The following ADGRB3 variants were observed in gnomAD, a reference collection of about 807,000 sequenced individuals.
The protein encoded by ADGRB3 is brain-specific angiogenesis inhibitor 3.
ADGRB3 carries 37 observed loss-of-function variants against 193.4 expected under a neutral mutation model. The ratio of observed to expected loss-of-function variants is 0.19; its 90% CI spans 0.15 to 0.25. The LOEUF (loss-of-function observed/expected upper bound fraction) is 0.25. Among genes scored for constraint, ADGRB3 ranks in the 10% least tolerant of loss-of-function variants. ADGRB3 has a pLI of 1.00. For missense variants in ADGRB3, 1,637 were observed against 1,852.9 expected, an observed-to-expected ratio of 0.88 and a Z score of 2.14; for synonymous variants, 690 against 644.2, an observed-to-expected ratio of 1.07 and a Z score of -1.08.
At chr6:68,679,361 G>A (rs952527776) in intron 3 of ADGRB3, among the ~76,000 whole-genome samples, 3 of 152,056 alleles carry the variant, frequency 2.0e-5, no homozygotes, top group African/African-American at 7.2e-5. Flanking sequence ...CACCCTTAAG[G>A]GACATAGGGT....
At chr6:68,666,379 T>C (rs771430696) in intron 3 of ADGRB3, among the ~76,000 whole-genome samples, 1 of 151,918 alleles carries the variant, frequency 6.6e-6, no homozygotes, top group Non-Finnish European at 1.5e-5. Flanking sequence ...ACCATTAAAG[T>C]TGTCTATTCA....
intron 3 of ADGRB3, among the ~76,000 whole-genome samples, chr6:68,687,183 T>G (rs1449906826): frequency 2.0e-5 from 3 of 152,078 alleles, no homozygotes; most frequent in African/African-American, 7.2e-5. Context: ...AAATATATTT[T>G]TAAAGTTCCT....
At chr6:68,677,202 G>A (rs1769112792) in intron 3 of ADGRB3, among the ~76,000 whole-genome samples, 1 of 152,168 alleles carries the variant, frequency 6.6e-6, no homozygotes, top group African/African-American at 2.4e-5. Flanking sequence ...GGAATACTGT[G>A]TGTATTATGT....
chr6:69,210,542 C>T (rs945036099), intron 17 of ADGRB3, among the ~76,000 whole-genome samples: 2 of 152,012 alleles, frequency 1.3e-5, no homozygotes, highest in Non-Finnish European at 2.9e-5. Flanking sequence ...AGTTGACACT[C>T]GATAATAACC....
intron 3 of ADGRB3, among the ~76,000 whole-genome samples, chr6:68,798,053 A>G (rs1767244293): frequency 6.6e-6 from 1 of 152,152 alleles, no homozygotes. Context: ...GAAGGAATTC[A>G]TTACCAGATG....
chr6:68,795,284 A>G (rs1767184688), intron 3 of ADGRB3, among the ~76,000 whole-genome samples: 4 of 152,106 alleles, frequency 2.6e-5, no homozygotes. Flanking sequence ...AGAAGAAAAA[A>G]TAGAAAATTA....
At position 69,011,135 on chromosome 6, in the gene ADGRB3, ATGTGTGTGTG is replaced by A. The variant is rs66675226; in HGVS notation, c.1930-2879_1930-2870del. On this transcript the variant is annotated intron_variant, in intron 11 of 31. Coordinates refer to ENST00000370598, the MANE Select transcript of ADGRB3 (RefSeq NM_001704.3). ...TTAGTATGTGTATATATACATATATATGTGTGTGTGTGTGTGTGTGTGTGTGTGTGTGTAT... is the reference window on the plus strand; with the variant it reads ...TTAGTATGTGTATATATACATATATATGTGTGTGTGTGTGTGTGTGTGTAT... Among the ~76,000 whole-genome samples, 409 of 145,026 alleles carry A rather than the reference ATGTGTGTGTG, an allele frequency of 2.8e-3. 1 individual carries two copies. The highest frequency in any genetic ancestry group is 0.01 in the African/African-American group (398 of 38,806).
intron 20 of ADGRB3, among the ~76,000 whole-genome samples, chr6:69,259,327 G>A (rs1039393334): frequency 6.6e-6 from 1 of 152,126 alleles, no homozygotes; most frequent in African/African-American, 2.4e-5. Context: ...AATTCTGTCA[G>A]CCTTCCAACT....
At chr6:68,747,889 A>T (rs569243359) in intron 3 of ADGRB3, among the ~76,000 whole-genome samples, 41 of 152,182 alleles carry the variant, frequency 2.7e-4, no homozygotes, top group Non-Finnish European at 4.9e-4. Flanking sequence ...TTGGACTTAC[A>T]GTTCCATATG....
chr6:68,641,922 A>G (rs933554833), intron 3 of ADGRB3, among the ~76,000 whole-genome samples: 3 of 152,048 alleles, frequency 2.0e-5, no homozygotes, highest in African/African-American at 7.2e-5. Flanking sequence ...ATATAATGAC[A>G]TAGAGCTTGA....
intron 17 of ADGRB3, chr6:69,232,334 C>T (rs1032620039): frequency 6.6e-6 from 8 of 1,215,814 alleles, no homozygotes; most frequent in Non-Finnish European, 8.7e-6. Context: ...GGGTTCTCCC[C>T]CATCCCCCCC....
At chr6:68,769,763 T>G (rs891893681) in intron 3 of ADGRB3, among the ~76,000 whole-genome samples, 5 of 152,176 alleles carry the variant, frequency 3.3e-5, no homozygotes, top group African/African-American at 1.2e-4. Context: ...TCTTTTTTAT[T>G]TCTTCCTAAA....
chr6:68,977,862 G>A lies in ADGRB3; in HGVS notation c.1734+2522G>A, dbSNP rs555080621. Among the ~76,000 whole-genome samples, 19 of 144,752 alleles carry A rather than the reference G, an allele frequency of 1.3e-4. 1 individual carries two copies. The highest frequency in any genetic ancestry group is 4.2e-4 in the South Asian group (2 of 4,788). 95.0% of individuals were successfully genotyped at this position (144,752 alleles called of 152,430 possible). On this transcript the variant is annotated intron_variant, in intron 10 of 31. Coordinates refer to ENST00000370598, the MANE Select transcript of ADGRB3 (RefSeq NM_001704.3). Reference sequence around the variant, plus strand: ...GTCGGGGAGCAGTCACTTCAGTGAGGTAAAGAGTGAAAAGTATGCCCTAGG... The same window carrying A: ...GTCGGGGAGCAGTCACTTCAGTGAGATAAAGAGTGAAAAGTATGCCCTAGG...
chr6:69,081,475 T>C (rs563838783), intron 17 of ADGRB3, among the ~76,000 whole-genome samples: 41 of 152,066 alleles, frequency 2.7e-4, no homozygotes, highest in African/African-American at 8.9e-4. Context: ...CAAAAAGCAA[T>C]AGAAAAAATT....
chr6:69,364,671 T>G (rs3799093), intron 29 of ADGRB3, among the ~76,000 whole-genome samples: 15,566 of 152,090 alleles, frequency 0.1, 983 homozygotes, highest in Middle Eastern at 0.24. Context: ...ATGGAACAAT[T>G]GCAATACTAA....
In ADGRB3 at chr6:69,188,999, A is replaced by AT. The variant is rs3839471; in HGVS notation, c.2481-44286dup. ...TTTGGTATTTTACAGTGTAAGAAAG[A>AT]TTTTTAAACTTAATTAAACAGGAAG... On this transcript the variant is annotated intron_variant, in intron 17 of 31. Transcript: ENST00000370598. Among the ~76,000 whole-genome samples, 4 of 152,350 alleles carry AT rather than the reference A, an allele frequency of 2.6e-5. No individual in the cohort carries two copies. In the East Asian group the frequency reaches 7.7e-4, roughly 29 times the overall value.
At chr6:68,813,501 C>A (rs1032269367) in intron 3 of ADGRB3, among the ~76,000 whole-genome samples, 3 of 151,814 alleles carry the variant, frequency 2.0e-5, no homozygotes, top group African/African-American at 7.3e-5. Flanking sequence ...AGTATGTAGG[C>A]TCACATTAAC....
chr6:68,806,220 T>C (rs1489261088), intron 3 of ADGRB3, among the ~76,000 whole-genome samples: 2 of 152,200 alleles, frequency 1.3e-5, no homozygotes, highest in Admixed American at 1.3e-4. Context: ...CTCTAATAAT[T>C]CCAGAATGTA....
In ADGRB3 at chr6:69,232,645, C is replaced by T. The variant is rs542826132; in HGVS notation, c.2481-645C>T. 1.3e-5 allele frequency: 20 copies of T among 1,532,582 alleles called. No homozygotes were observed. The East Asian group carries it at 3.2e-4, about 24-fold the overall frequency. 94.9% of individuals were successfully genotyped at this position (1,532,582 alleles called of 1,614,324 possible). ...GGAAGCTTAGGTCTGAAACCCACCCCTCCCCTGGATACCAGGCAAAGGCAA... is the reference window on the plus strand; with the variant it reads ...GGAAGCTTAGGTCTGAAACCCACCCTTCCCCTGGATACCAGGCAAAGGCAA... On this transcript the variant is annotated intron_variant, in intron 17 of 31. Transcript: ENST00000370598.
Sources: gnomAD v4.1 joint callset for allele counts (sites outside exome capture counted in the v4.1 genomes callset) on GRCh38, gnomAD v4.1.1 for gene constraint, MANE v1.5 for transcripts, NCBI Gene and HGNC (gene_info 2026-07-23, HGNC 2026-07-21) for gene names.